ZNF365: variants seen among roughly 807,000 people sequenced by gnomAD.
ZNF365 encodes the protein zinc finger protein 365.
Under a neutral mutation model 35.0 loss-of-function variants are expected in ZNF365, and 22 were observed. The observed-to-expected ratio is 0.63, with a 90% CI of 0.45 to 0.90. The LOEUF is 0.90. Ranked by LOEUF, ZNF365 falls within the 40% of genes least tolerant of loss-of-function variation. The probability of loss-of-function intolerance (pLI) is 0.00; values close to 1 mark genes in which losing one functional copy is unlikely to be tolerated. For synonymous variants in ZNF365, 188 were observed against 196.2 expected, an observed-to-expected ratio of 0.96 and a Z score of 0.35; for missense variants, 448 against 500.3, an observed-to-expected ratio of 0.90 and a Z score of 1.00.
chr10:62,431,170 T>C (rs1840328352), intron 3 of ZNF365, among the ~76,000 whole-genome samples: 1 of 152,200 alleles, frequency 6.6e-6, no homozygotes, highest in African/African-American at 2.4e-5. Flanking sequence ...TCAAATCTAT[T>C]AATTTTGGCC....
intron 4 of ZNF365, among the ~76,000 whole-genome samples, chr10:62,463,914 G>A (rs1166463262): frequency 6.6e-6 from 1 of 152,186 alleles, no homozygotes; most frequent in East Asian, 1.9e-4. Context: ...CAACGGATGA[G>A]AGACTCAAAC....
intron 4 of ZNF365, chr10:62,479,851 C>G: frequency 6.4e-7 from 1 of 1,557,936 alleles, no homozygotes; most frequent in Non-Finnish European, 8.9e-7. Context: ...ACTCTACTAA[C>G]TTTCCTTTTG....
chr10:62,436,378 C>T (rs923524072), intron 3 of ZNF365, among the ~76,000 whole-genome samples: 2 of 145,674 alleles, frequency 1.4e-5, no homozygotes, highest in African/African-American at 5.1e-5. Flanking sequence ...AAAGAGGGTA[C>T]AGGGAATCAT....
rs1223511646 is a variant in ZNF365, at chr10:62,388,528, T to C, written c.876T>C (p.Tyr292=). The change falls in exon 3 of 5, where the codon TAT becomes TAC. Residue 292 remains tyrosine (Y), a synonymous_variant. Transcript: ENST00000395254. ...TGGCGGAGAAGCAGCTTGAGTACTA[T>C]CAGAGCCAGCAGGCCTCTGGCTTTG... ...VELAEKQLEY[Y]QSQQASGFVR... is the part of the protein sequence containing the mutation. 1 of 1,614,074 alleles carries C rather than the reference T, an allele frequency of 6.2e-7. No individual in the cohort carries two copies. The highest frequency in any genetic ancestry group is 8.5e-7 in the Non-Finnish European group (1 of 1,180,010).
rs187075511 is a variant in ZNF365 at position 62,471,167 on chromosome 10, T to C, written c.982-8709T>C. ...GGATCACGAGGTCAGGAGATCGAGA[T>C]CATCCTGGCTAACATGGTGAAACCC... is the stretch of plus-strand genomic sequence containing the variant. On this transcript the variant is annotated intron_variant, in intron 4 of 4. Coordinates refer to the ZNF365 transcript ENST00000395255. 4.8e-3 allele frequency among the ~76,000 whole-genome samples: 730 copies of C among 151,892 alleles called. 4 individuals are homozygous for C. The highest frequency in any genetic ancestry group is 0.013 in the African/African-American group (545 of 41,444).
chr10:62,421,876 A>G (rs1261244557), intron 3 of ZNF365, among the ~76,000 whole-genome samples: 2 of 152,152 alleles, frequency 1.3e-5, no homozygotes, highest in Non-Finnish European at 2.9e-5. Context: ...ACAGATGTGA[A>G]CTCCTTGCTG....
intron 3 of ZNF365, among the ~76,000 whole-genome samples, chr10:62,416,461 T>C (rs1840078125): frequency 6.6e-6 from 1 of 152,114 alleles, no homozygotes; most frequent in Non-Finnish European, 1.5e-5. Context: ...AAACCAAATG[T>C]CTGATATCTC....
chr10:62,469,230 G>C (rs948365031), intron 4 of ZNF365, among the ~76,000 whole-genome samples: 1 of 152,150 alleles, frequency 6.6e-6, no homozygotes, highest in Non-Finnish European at 1.5e-5. Context: ...GTCTAGGAAA[G>C]CTTCACCAGA....
At chr10:62,464,959 C>A (rs1840914385) in intron 4 of ZNF365, among the ~76,000 whole-genome samples, 1 of 152,198 alleles carries the variant, frequency 6.6e-6, no homozygotes, top group Admixed American at 6.5e-5. Flanking sequence ...CAGGTGGTGC[C>A]AACAGGAGCC....
downstream of ZNF365, among the ~76,000 whole-genome samples, chr10:62,406,443 C>G (rs1033962556): frequency 2.0e-4 from 31 of 152,138 alleles, no homozygotes; most frequent in African/African-American, 7.5e-4. Flanking sequence ...CCCCACTGTT[C>G]TGTCATTTCC....
intron 3 of ZNF365, among the ~76,000 whole-genome samples, chr10:62,447,814 T>G (rs1225306660): frequency 6.6e-6 from 1 of 152,202 alleles, no homozygotes; most frequent in East Asian, 1.9e-4. Context: ...TCGTGGTGGA[T>G]GGTTTCATGG....
chr10:62,386,519 A>G (rs1839528943), intron 2 of ZNF365, among the ~76,000 whole-genome samples: 1 of 152,210 alleles, frequency 6.6e-6, no homozygotes, highest in Non-Finnish European at 1.5e-5. Context: ...GTGAATCATT[A>G]TTAGAGCCAG....
intron 3 of ZNF365, among the ~76,000 whole-genome samples, chr10:62,427,228 G>A (rs1840263945): frequency 6.6e-6 from 1 of 152,086 alleles, no homozygotes; most frequent in Non-Finnish European, 1.5e-5. Context: ...TGATATTTTG[G>A]TCAACAATGG....
chr10:62,432,333 A>G (rs57972240), intron 3 of ZNF365, among the ~76,000 whole-genome samples: 2,461 of 152,254 alleles, frequency 0.016, 60 homozygotes, highest in East Asian at 0.087. Flanking sequence ...CATTTTACTC[A>G]TGTGCTTCAG....
At chr10:62,427,443 T>C (rs1354156876) in intron 3 of ZNF365, among the ~76,000 whole-genome samples, 1 of 152,212 alleles carries the variant, frequency 6.6e-6, no homozygotes, top group Non-Finnish European at 1.5e-5. Context: ...CAGCTAGGTG[T>C]GTGTGAGTAC....
chr10:62,398,101 T>C (rs1839762247), intron 3 of ZNF365, among the ~76,000 whole-genome samples: 1 of 152,196 alleles, frequency 6.6e-6, no homozygotes, highest in African/African-American at 2.4e-5. Flanking sequence ...ACTGGGTATC[T>C]ACCCAAAGGA....
At chr10:62,466,424 C>T (rs962638331) in intron 4 of ZNF365, among the ~76,000 whole-genome samples, 6 of 152,190 alleles carry the variant, frequency 3.9e-5, no homozygotes, top group Non-Finnish European at 5.9e-5. Flanking sequence ...CATTCACACA[C>T]CCCCTGCCAC....
At chr10:62,440,629 T>C (rs1840484754) in intron 3 of ZNF365, among the ~76,000 whole-genome samples, 1 of 152,156 alleles carries the variant, frequency 6.6e-6, no homozygotes, top group Non-Finnish European at 1.5e-5. Context: ...GAATTGTAAG[T>C]TCCTTGAAAT....
intron 4 of ZNF365, among the ~76,000 whole-genome samples, chr10:62,468,677 A>T (rs537900247): frequency 1.2e-4 from 19 of 152,340 alleles, no homozygotes; most frequent in Non-Finnish European, 2.5e-4. Context: ...GATGTTGAAG[A>T]TGAAGCCTTC....
Sources: gnomAD v4.1 joint callset for allele counts (sites outside exome capture counted in the v4.1 genomes callset) on GRCh38, gnomAD v4.1.1 for gene constraint, MANE v1.5 for transcripts, NCBI Gene and HGNC (gene_info 2026-07-23, HGNC 2026-07-21) for gene names.